Variants in KTN1 observed in about 807,000 individuals in gnomAD.
The protein encoded by KTN1 is kinectin.
KTN1 carries 130 observed loss-of-function variants against 222.5 expected under a neutral mutation model. The ratio of observed to expected loss-of-function variants is 0.58; its 90% confidence interval spans 0.51 to 0.68. The LOEUF (loss-of-function observed/expected upper bound fraction) is 0.68. KTN1 is among the 30% of genes least tolerant of loss of function. KTN1 has a pLI of 0.00. For missense variants in KTN1, 1,508 were observed against 1,500.4 expected (o/e 1.01, Z -0.08); for synonymous variants, 512 against 496.3 (o/e 1.03, Z -0.42).
intron 31 of KTN1, among the ~76,000 whole-genome samples, chr14:55,660,822 A>G (rs2044057713): frequency 6.6e-6 from 1 of 152,176 alleles, no homozygotes; most frequent in East Asian, 1.9e-4. Context: ...AAATGTAAAA[A>G]CAGCTCTTAG....
chr14:55,663,840 G>T (rs1188810973), intron 32 of KTN1, 115 bp from the exon 33 acceptor site: 17 of 626,568 alleles, frequency 2.7e-5, no homozygotes, highest in Non-Finnish European at 4.2e-5. Flanking sequence ...TTTTCCCATT[G>T]AAATAATTTT....
At chr14:55,649,190 G>A (rs916301137) in intron 21 of KTN1, among the ~76,000 whole-genome samples, 1 of 152,202 alleles carries the variant, frequency 6.6e-6, no homozygotes, top group Non-Finnish European at 1.5e-5. Flanking sequence ...GCTTCCTAAA[G>A]TGTTGGAATT....
chr14:55,584,995 G>A (rs1003698285), intron 1 of KTN1, among the ~76,000 whole-genome samples: 4 of 152,006 alleles, frequency 2.6e-5, no homozygotes, highest in African/African-American at 9.7e-5. Flanking sequence ...AGCCAGGCAT[G>A]GTAGCGTGTG....
At chr14:55,612,717 A>G (rs1278514010) in intron 2 of KTN1, 146 bp downstream of exon 2, 5 of 719,448 alleles carry the variant, frequency 6.9e-6, no homozygotes, top group Non-Finnish European at 8.6e-6. Flanking sequence ...CTTCATTAAC[A>G]TTAATTGCTG....
At chr14:55,658,523 A>G in intron 29 of KTN1, 23 bp from the exon 30 acceptor site, 1 of 1,337,586 alleles carries the variant, frequency 7.5e-7, no homozygotes, top group East Asian at 2.3e-5. Context: ...TTAGATACTG[A>G]TGTTTAATTT....
chr14:55,678,470 C>G, intron 42 of KTN1, 26 bp downstream of exon 42: 2 of 1,404,642 alleles, frequency 1.4e-6, no homozygotes, highest in Non-Finnish European at 2.0e-6. Flanking sequence ...ATCCCCAGAT[C>G]TCTGAGCTAG....
Position 55,652,959 on chromosome 14 carries a change from TA to T in KTN1, c.2694+25del. On this transcript the variant is annotated intron_variant, in intron 26 of 43. Coordinates refer to ENST00000395314, the MANE Select transcript of KTN1 (RefSeq NM_001079521.2). The stretch of plus-strand genomic sequence containing the variant: ...GTTACAGGTGAGAAATTAAAAACAA[TA>T]AAAAATAGCCTTTTTATACTTGACT... 6.3e-7 allele frequency: 1 copy of T among 1,594,476 alleles called. No homozygotes were observed. The highest frequency in any genetic ancestry group is 8.6e-7 in the Non-Finnish European group (1 of 1,165,436).
chr14:55,647,659 AAGAG>A (rs2141074054), intron 19 of KTN1, among the ~76,000 whole-genome samples: 1 of 142,420 alleles, frequency 7.0e-6, no homozygotes, highest in Admixed American at 7.0e-5. Flanking sequence ...AAAAAAAAAA[AAGAG>A]CCAGGCATGG....
At chr14:55,601,478 A>T (rs1255400586) in intron 1 of KTN1, among the ~76,000 whole-genome samples, 2 of 152,002 alleles carry the variant, frequency 1.3e-5, no homozygotes, top group African/African-American at 2.4e-5. Context: ...TGCGTTGTGC[A>T]CTCCGGGGCC....
rs897315974 is a variant in KTN1, at chr14:55,611,263, C to CTT, written c.-30-738_-30-737dup. 9.7e-4 allele frequency among the ~76,000 whole-genome samples: 113 copies of CTT among 116,016 alleles called. 1 individual carries two copies. The highest frequency in any genetic ancestry group is 4.5e-3 in the Middle Eastern group (1 of 222). The allele number at this position is 116,016 out of a possible 152,430, so 76.1% of individuals were successfully genotyped here. ...AACTACGCCCAGCTAATTTTCTTGT[C>CTT]TTTTTTTTTTTTTTTTTTTGTAAAG... On this transcript the variant is annotated intron_variant, in intron 1 of 43. Coordinates refer to ENST00000395314, the MANE Select transcript of KTN1 (RefSeq NM_001079521.2).
chr14:55,658,767 T>A (rs1319258260), intron 30 of KTN1, among the ~76,000 whole-genome samples, 153 bp downstream of exon 30: 1 of 152,220 alleles, frequency 6.6e-6, no homozygotes, highest in Non-Finnish European at 1.5e-5. Flanking sequence ...GAAAGCAACT[T>A]GCTATGTCAT....
At chr14:55,586,063 G>A (rs2032926672) in intron 1 of KTN1, among the ~76,000 whole-genome samples, 1 of 152,202 alleles carries the variant, frequency 6.6e-6, no homozygotes, top group South Asian at 2.1e-4. Flanking sequence ...GAGTCATTGA[G>A]TTGTTAAGGA....
intron 6 of KTN1, among the ~76,000 whole-genome samples, chr14:55,629,538 T>C (rs1322113752): frequency 1.3e-5 from 2 of 152,172 alleles, no homozygotes; most frequent in African/African-American, 2.4e-5. Context: ...CCTATTTTTT[T>C]CCCTTAGGAA....
At chr14:55,589,164 A>G (rs577473975) in intron 1 of KTN1, among the ~76,000 whole-genome samples, 1 of 152,322 alleles carries the variant, frequency 6.6e-6, no homozygotes, top group South Asian at 2.1e-4. Context: ...TGAAAGCCGA[A>G]TTTTTGTCTG....
chr14:55,632,532 G>A (rs995171074), intron 7 of KTN1, among the ~76,000 whole-genome samples: 1 of 152,030 alleles, frequency 6.6e-6, no homozygotes, highest in African/African-American at 2.4e-5. Flanking sequence ...AGGGGCTGCA[G>A]GGAGAGGAAT....
chr14:55,659,018 A>G (rs2043813514), intron 30 of KTN1, among the ~76,000 whole-genome samples: 1 of 152,036 alleles, frequency 6.6e-6, no homozygotes, highest in Non-Finnish European at 1.5e-5. Context: ...CTACTATTTA[A>G]AAGAGGTTTT....
chr14:55,591,539 A>G (rs2034113662), intron 1 of KTN1, among the ~76,000 whole-genome samples: 1 of 150,736 alleles, frequency 6.6e-6, no homozygotes, highest in African/African-American at 2.4e-5. Context: ...TTGTGTGTGA[A>G]TTGATACATT....
At chr14:55,614,723 G>A (rs186235296) in intron 2 of KTN1, among the ~76,000 whole-genome samples, 8 of 152,286 alleles carry the variant, frequency 5.3e-5, no homozygotes, top group Admixed American at 3.3e-4. Flanking sequence ...ATGCTGCAGT[G>A]GCAGACTTGA....
intron 1 of KTN1, among the ~76,000 whole-genome samples, chr14:55,594,732 A>G (rs1486202803): frequency 1.3e-5 from 2 of 152,214 alleles, no homozygotes; most frequent in Non-Finnish European, 2.9e-5. Context: ...GGTAAATATT[A>G]ATCTAACAAT....
Sources: gnomAD v4.1 joint callset for allele counts (sites outside exome capture counted in the v4.1 genomes callset) on GRCh38, gnomAD v4.1.1 for gene constraint, MANE v1.5 for transcripts, NCBI Gene and HGNC (gene_info 2026-07-23, HGNC 2026-07-21) for gene names.